GLIS3: variants seen among roughly 807,000 people sequenced by gnomAD.
GLIS3 encodes the protein zinc finger protein GLIS3.
A neutral mutation model predicts 78.6 loss-of-function variants in GLIS3; 53 were observed. The observed-to-expected ratio is 0.67, with a 90% CI of 0.54 to 0.85. GLIS3 has a LOEUF of 0.85. Ranked by LOEUF, GLIS3 falls within the 40% of genes least tolerant of loss-of-function variation. GLIS3 has a pLI of 0.00. For missense variants in GLIS3, 1,703 were observed against 1,231.1 expected (o/e 1.38, Z -5.74); for synonymous variants, 684 against 509.9 (o/e 1.34, Z -4.60).
chr9:4,476,136 A>G, the GLIS3 span, among the ~76,000 whole-genome samples: 1 of 152,246 alleles, frequency 6.6e-6, no homozygotes, highest in East Asian at 1.9e-4. Flanking sequence ...CCAGTTTCTG[A>G]CATTTGAAAA....
chr9:3,842,139 C>G (rs4740738), intron 9 of GLIS3, among the ~76,000 whole-genome samples: 37,396 of 152,100 alleles, frequency 0.25, 6,005 homozygotes, highest in African/African-American at 0.46. Context: ...TTCAGCCTCC[C>G]CTGAAATCTG....
intron 2 of GLIS3, among the ~76,000 whole-genome samples, chr9:4,247,151 C>G (rs1486856839): frequency 6.6e-6 from 1 of 152,158 alleles, no homozygotes; most frequent in Non-Finnish European, 1.5e-5. Context: ...ACTCCCTCTG[C>G]CATTCGTAAG....
At chr9:4,282,067 C>G (rs1396271554) in intron 2 of GLIS3, among the ~76,000 whole-genome samples, 2 of 152,132 alleles carry the variant, frequency 1.3e-5, no homozygotes, top group Non-Finnish European at 2.9e-5. Context: ...AGCCTTCCAT[C>G]AAAGATTCTT....
chr9:4,177,856 T>C (rs966573299), intron 2 of GLIS3, among the ~76,000 whole-genome samples: 3 of 152,324 alleles, frequency 2.0e-5, no homozygotes, highest in Admixed American at 6.5e-5. Flanking sequence ...GTATTCACAA[T>C]GCTGAATGTT....
the GLIS3 span, among the ~76,000 whole-genome samples, chr9:4,487,576 G>T: frequency 0.013 from 1,963 of 151,986 alleles, 45 homozygotes; most frequent in African/African-American, 0.045. Context: ...AAGTTGTGAT[G>T]TACACATAGT....
At chr9:4,260,700 C>G (rs986781674) in intron 2 of GLIS3, among the ~76,000 whole-genome samples, 19 of 151,712 alleles carry the variant, frequency 1.3e-4, no homozygotes, top group Admixed American at 1.2e-3. Flanking sequence ...GAGCCGAGAT[C>G]GTGCCACTGT....
intron 2 of GLIS3, among the ~76,000 whole-genome samples, chr9:4,148,274 G>A (rs1443438744): frequency 2.0e-5 from 3 of 151,978 alleles, no homozygotes; most frequent in Non-Finnish European, 4.4e-5. Flanking sequence ...TACACTCACA[G>A]GAGTTTGATT....
At chr9:4,354,320 C>A in the GLIS3 span, among the ~76,000 whole-genome samples, 1 of 152,196 alleles carries the variant, frequency 6.6e-6, no homozygotes, top group African/African-American at 2.4e-5. Context: ...AGTTCGCACT[C>A]TTGAAACAGG....
chr9:4,421,249 G>C, the GLIS3 span, among the ~76,000 whole-genome samples: 4 of 152,130 alleles, frequency 2.6e-5, no homozygotes, highest in Non-Finnish European at 5.9e-5. Flanking sequence ...TATCCCACAG[G>C]ACTCTCTCGT....
the GLIS3 span, among the ~76,000 whole-genome samples, chr9:4,424,352 A>C: frequency 1.3e-5 from 2 of 152,288 alleles, no homozygotes; most frequent in African/African-American, 4.8e-5. Context: ...ACACCTTTTA[A>C]GCCCTCTTGA....
At chr9:3,847,410 T>C (rs1019646805) in intron 9 of GLIS3, among the ~76,000 whole-genome samples, 4 of 152,238 alleles carry the variant, frequency 2.6e-5, no homozygotes, top group African/African-American at 7.2e-5. Flanking sequence ...TAATGAGCAG[T>C]TATTAAGCAC....
intron 4 of GLIS3, among the ~76,000 whole-genome samples, chr9:4,073,882 C>G (rs752771665): frequency 2.6e-5 from 4 of 152,304 alleles, no homozygotes; most frequent in East Asian, 3.9e-4. Flanking sequence ...AGTAATTGCT[C>G]TGTGTGTGTC....
At chr9:4,029,221 C>T (rs1823605926) in intron 4 of GLIS3, among the ~76,000 whole-genome samples, 1 of 152,078 alleles carries the variant, frequency 6.6e-6, no homozygotes, top group Non-Finnish European at 1.5e-5. Context: ...TGGAAACTCT[C>T]ATCTAGTCAA....
At chr9:3,963,120 G>C (rs970994949) in intron 4 of GLIS3, among the ~76,000 whole-genome samples, 33 of 152,152 alleles carry the variant, frequency 2.2e-4, no homozygotes, top group African/African-American at 8.0e-4. Context: ...GGTTGCCAAA[G>C]ACTGCATGTT....
At chr9:4,468,395 G>T in the GLIS3 span, among the ~76,000 whole-genome samples, 2 of 152,166 alleles carry the variant, frequency 1.3e-5, no homozygotes. Flanking sequence ...GTAAGGTTGG[G>T]TTACCCAAAA....
At position 4,286,063 on chromosome 9, in the gene GLIS3, G is replaced by A. The variant is rs1194889812; in HGVS notation, c.363C>T (p.Ser121=). The change falls in exon 2 of 11, where the codon AGC becomes AGT. Residue 121 remains serine, a synonymous_variant. Transcript: ENST00000381971. ...TLKPKQQEFG[S]PFPPNPGKGA... ...CTTTCCCAGGATTTGGAGGAAAAGG[G>A]CTTCCAAACTCCTGCTGCTTTGGCT... The A allele has an allele frequency of 6.2e-7, 1 of 1,613,706 alleles. No individual in the cohort carries two copies. Among genetic ancestry groups the A allele is most frequent in the Non-Finnish European group, 8.5e-7 (1 of 1,179,892 alleles).
the GLIS3 span, among the ~76,000 whole-genome samples, chr9:4,486,978 G>A: frequency 6.6e-6 from 1 of 152,128 alleles, no homozygotes; most frequent in African/African-American, 2.4e-5. Flanking sequence ...GAATATAGGT[G>A]TGAGTCGACA....
chr9:4,365,648 A>G, the GLIS3 span, among the ~76,000 whole-genome samples: 2 of 152,232 alleles, frequency 1.3e-5, no homozygotes, highest in African/African-American at 4.8e-5. Context: ...GCTCACTTGG[A>G]TGGACAAAAG....
At chr9:4,078,138 T>A (rs1490781846) in intron 4 of GLIS3, among the ~76,000 whole-genome samples, 3 of 152,210 alleles carry the variant, frequency 2.0e-5, no homozygotes, top group African/African-American at 7.2e-5. Flanking sequence ...CCTAAGAATT[T>A]GTAAAAGAAA....
Sources: gnomAD v4.1 joint callset for allele counts (sites outside exome capture counted in the v4.1 genomes callset) on GRCh38, gnomAD v4.1.1 for gene constraint, MANE v1.5 for transcripts, NCBI Gene and HGNC (gene_info 2026-07-23, HGNC 2026-07-21) for gene names.